PPM1E: variants seen among roughly 807,000 people sequenced by gnomAD.
The protein encoded by PPM1E is protein phosphatase, Mg2+/Mn2+ dependent 1E.
In PPM1E, 20 loss-of-function variants were observed where a neutral mutation model predicts 65.9. The ratio of observed to expected loss-of-function variants is 0.30; its 90% CI spans 0.21 to 0.44. The LOEUF (loss-of-function observed/expected upper bound fraction) is 0.44, where lower values mean the gene tolerates loss of function less well. PPM1E is among the 20% of genes least tolerant of loss of function. The pLI is 1.00. For synonymous variants in PPM1E, 352 were observed against 374.9 expected, an observed-to-expected ratio of 0.94 and a Z score of 0.70; for missense variants, 713 against 953.1, an observed-to-expected ratio of 0.75 and a Z score of 3.32.
chr17:58,815,755 CATT>C (rs2050408770), intron 1 of PPM1E, among the ~76,000 whole-genome samples: 1 of 152,090 alleles, frequency 6.6e-6, no homozygotes. Context: ...ATATGCTAAT[CATT>C]ATTGTGAGAA....
chr17:58,768,732 C>T (rs189467431), intron 1 of PPM1E, among the ~76,000 whole-genome samples: 62 of 152,264 alleles, frequency 4.1e-4, no homozygotes, highest in Admixed American at 2.0e-3. Flanking sequence ...TGCAATGGCA[C>T]GGTGTTGGCT....
At chr17:58,938,290 C>G (rs1030416563) in intron 1 of PPM1E, among the ~76,000 whole-genome samples, 3 of 152,022 alleles carry the variant, frequency 2.0e-5, no homozygotes, top group African/African-American at 4.8e-5. Flanking sequence ...CTTTAAGCAC[C>G]TTTTCTAAGG....
At chr17:58,951,029 C>T (rs1354515963) in intron 1 of PPM1E, among the ~76,000 whole-genome samples, 1 of 152,162 alleles carries the variant, frequency 6.6e-6, no homozygotes, top group Admixed American at 6.5e-5. Flanking sequence ...CTGCCCGCCT[C>T]GGCCTCCCAA....
rs57965915 is a variant in PPM1E, at chr17:58,937,892, A to AAAAAAAAG, written c.465-17754_465-17753insAAAAGAAA. On this transcript the variant is annotated intron_variant, in intron 1 of 6. Coordinates refer to ENST00000308249, the MANE Select transcript of PPM1E (RefSeq NM_014906.5). ...GAGACTCCATCTCAAAAAAAAAAAA[A>AAAAAAAAG]AAAGAAAGAAAGAAAAGAAAGAAAG... is the stretch of plus-strand genomic sequence containing the variant. Among the ~76,000 whole-genome samples the AAAAAAAAG allele has an allele frequency of 3.0e-3, 390 of 129,702 alleles. 9 individuals are homozygous for AAAAAAAAG. Among genetic ancestry groups the AAAAAAAAG allele is most frequent in the South Asian group, 5.1e-3 (21 of 4,124 alleles). 85.1% of individuals were successfully genotyped at this position (129,702 alleles called of 152,430 possible). A position where few individuals can be genotyped will look rare whatever the true frequency, so the allele number is the denominator to read the frequency against.
chr17:58,771,167 C>T (rs976892520), intron 1 of PPM1E, among the ~76,000 whole-genome samples: 1 of 151,568 alleles, frequency 6.6e-6, no homozygotes, highest in Non-Finnish European at 1.5e-5. Context: ...TTTACTGTAA[C>T]TTTTCTAAGT....
intron 1 of PPM1E, among the ~76,000 whole-genome samples, chr17:58,865,626 G>C (rs1172282097): frequency 6.6e-6 from 1 of 152,182 alleles, no homozygotes; most frequent in African/African-American, 2.4e-5. Context: ...CTTAAGCCTG[G>C]AAGGTTGAGG....
chr17:58,888,494 G>A (rs1325662486), intron 1 of PPM1E, among the ~76,000 whole-genome samples: 3 of 151,024 alleles, frequency 2.0e-5, no homozygotes, highest in African/African-American at 7.3e-5. Flanking sequence ...CTCCCGAGTA[G>A]CTGGGATTAC....
At chr17:58,978,535 AC>A (rs1192668608) in intron 6 of PPM1E, among the ~76,000 whole-genome samples, 2 of 151,810 alleles carry the variant, frequency 1.3e-5, no homozygotes, top group African/African-American at 4.8e-5. Flanking sequence ...ATATGGTGAA[AC>A]CCCGTCTCTA....
At chr17:58,966,236 T>G (rs955316787) in intron 3 of PPM1E, 6 of 373,902 alleles carry the variant, frequency 1.6e-5, no homozygotes, top group African/African-American at 1.1e-4. Context: ...ATGATTAGGC[T>G]GGGTGTGGTA....
At chr17:58,823,972 T>C (rs1292378735) in intron 1 of PPM1E, among the ~76,000 whole-genome samples, 1 of 152,040 alleles carries the variant, frequency 6.6e-6, no homozygotes, top group Non-Finnish European at 1.5e-5. Flanking sequence ...CCTCGTGATC[T>C]GCCTGCCTCA....
At chr17:58,767,628 C>CT in intron 1 of PPM1E, among the ~76,000 whole-genome samples, 2 of 152,146 alleles carry the variant, frequency 1.3e-5, no homozygotes, top group Middle Eastern at 6.8e-3. Flanking sequence ...CTATGGTTCT[C>CT]TTTTAAAATT....
intron 1 of PPM1E, among the ~76,000 whole-genome samples, chr17:58,950,158 T>C (rs1440490905): frequency 1.3e-5 from 2 of 151,758 alleles, no homozygotes; most frequent in Non-Finnish European, 2.9e-5. Flanking sequence ...AGTTGAGAGT[T>C]TGAGACCAGC....
chr17:58,939,098 G>A (rs1024864021), intron 1 of PPM1E, among the ~76,000 whole-genome samples: 7 of 151,918 alleles, frequency 4.6e-5, no homozygotes, highest in African/African-American at 1.7e-4. Context: ...CACTAATTCC[G>A]ATAATGACTT....
At chr17:58,917,699 A>C (rs1233893241) in intron 1 of PPM1E, among the ~76,000 whole-genome samples, 1 of 152,010 alleles carries the variant, frequency 6.6e-6, no homozygotes. Flanking sequence ...ACTGCCAACT[A>C]TTTCTTCTCC....
At chr17:58,785,908 C>T (rs115772209) in intron 1 of PPM1E, among the ~76,000 whole-genome samples, 1,709 of 152,058 alleles carry the variant, frequency 0.011, 38 homozygotes, top group African/African-American at 0.039. Context: ...TCTCTTTTTC[C>T]TTCACAATTT....
In PPM1E at chr17:58,792,227, T is replaced by TA. The variant is rs1248124538; in HGVS notation, c.464+35767dup. 2.0e-5 allele frequency among the ~76,000 whole-genome samples: 3 copies of TA among 149,824 alleles called. No homozygotes were observed. The East Asian group carries it at 5.8e-4, about 29-fold the overall frequency. On this transcript the variant is annotated intron_variant, in intron 1 of 6. Coordinates refer to ENST00000308249, the MANE Select transcript of PPM1E (RefSeq NM_014906.5). ...ACATGACTTTTGTCATATCCTTTTG[T>TA]ATCTTGCCTTATACAATAATAATTA... is the stretch of plus-strand genomic sequence containing the variant.
At chr17:58,756,535 C>T (rs954499262) in intron 1 of PPM1E, 74 bp downstream of exon 1, 112 of 1,247,444 alleles carry the variant, frequency 9.0e-5, no homozygotes, top group Non-Finnish European at 1.1e-4. Context: ...GCTCCCTCGG[C>T]CCCTCAAACT....
intron 1 of PPM1E, among the ~76,000 whole-genome samples, chr17:58,828,301 CT>C (rs2143166163): frequency 6.6e-6 from 1 of 152,120 alleles, no homozygotes; most frequent in African/African-American, 2.4e-5. Context: ...AAAGCATATA[CT>C]AAGAACAGTC....
intron 1 of PPM1E, among the ~76,000 whole-genome samples, chr17:58,813,097 T>C (rs540726369): frequency 8.3e-4 from 127 of 152,328 alleles, no homozygotes; most frequent in African/African-American, 2.9e-3. Flanking sequence ...GATATGATGT[T>C]CATTATTGTT....
Sources: allele counts gnomAD v4.1 joint callset (sites outside exome capture counted in the v4.1 genomes callset), GRCh38; gene constraint gnomAD v4.1.1; transcripts MANE v1.5; gene names NCBI Gene and HGNC (gene_info 2026-07-23, HGNC 2026-07-21).